Variants in PATL2 observed in about 807,000 individuals in gnomAD.
PATL2 encodes PAT1 homolog 2.
A neutral mutation model predicts 77.0 loss-of-function variants in PATL2; 73 were observed. That is an observed-to-expected ratio of 0.95 (90% CI 0.78 to 1.15). PATL2 has a LOEUF of 1.15. Among genes scored for constraint, PATL2 ranks in the 50% most tolerant of loss-of-function variants. The pLI, the probability that PATL2 is intolerant of heterozygous loss-of-function variation, is 0.00. For synonymous variants in PATL2, 265 were observed against 257.1 expected (o/e 1.03, Z -0.29); for missense variants, 618 against 655.4 (o/e 0.94, Z 0.62).
chr15:44,675,456 AC>A, intron 5 of PATL2, 29 bp downstream of exon 5: 1 of 1,542,918 alleles, frequency 6.5e-7, no homozygotes, highest in East Asian at 2.4e-5. Context: ...GTTCAGGACA[AC>A]CCTCTCCCAT....
chr15:44,666,285 A>G lies in PATL2; in HGVS notation c.1613+107T>C, dbSNP rs1016197721. The G allele has an allele frequency of 7.8e-6, 11 of 1,414,756 alleles. No homozygotes were observed. In the Admixed American group the frequency reaches 2.1e-4, roughly 27 times the overall value. 87.6% of individuals were successfully genotyped at this position (1,414,756 alleles called of 1,614,324 possible). ...TGTGTAGAACCACTTCTAAAAACAC[A>G]TGATCCTTCATGCTCATAATTTAGA... On this transcript the variant is annotated intron_variant, in intron 17 of 17. Transcript: ENST00000682850.
chr15:44,693,108 G>A (rs2086427763), intron 3 of PATL2, among the ~76,000 whole-genome samples: 1 of 152,184 alleles, frequency 6.6e-6, no homozygotes, highest in African/African-American at 2.4e-5. Flanking sequence ...CTTGGAAAAG[G>A]CAAATATTTA....
intron 3 of PATL2, among the ~76,000 whole-genome samples, chr15:44,693,082 C>G (rs1272637748): frequency 6.6e-6 from 1 of 152,172 alleles, no homozygotes; most frequent in African/African-American, 2.4e-5. Flanking sequence ...CCTAGTTAAC[C>G]AAGAGGTAAA....
chr15:44,674,081 T>A, intron 6 of PATL2, 69 bp downstream of exon 6: 1 of 1,417,718 alleles, frequency 7.1e-7, no homozygotes, highest in Non-Finnish European at 9.6e-7. Context: ...CAGACCAGGG[T>A]TGGGGGTAGA....
At chr15:44,684,033 A>G (rs1171603460) in intron 3 of PATL2, among the ~76,000 whole-genome samples, 2 of 151,986 alleles carry the variant, frequency 1.3e-5, no homozygotes, top group Non-Finnish European at 2.9e-5. Context: ...ACTAACAAAC[A>G]GAAAGGAATA....
At chr15:44,678,476 A>T (rs1381251840) in intron 3 of PATL2, among the ~76,000 whole-genome samples, 1 of 152,148 alleles carries the variant, frequency 6.6e-6, no homozygotes. Flanking sequence ...CTGAAGTCTC[A>T]TATGTCTACT....
At chr15:44,672,353 G>C (rs748497085) in intron 8 of PATL2, 35 bp downstream of exon 8, 11 of 1,544,870 alleles carry the variant, frequency 7.1e-6, no homozygotes, top group Non-Finnish European at 8.8e-6. Context: ...ATGCAAATGG[G>C]CTCCCCTCAA....
intron 3 of PATL2, among the ~76,000 whole-genome samples, chr15:44,706,358 G>A (rs987914728): frequency 6.6e-6 from 1 of 152,232 alleles, no homozygotes; most frequent in Non-Finnish European, 1.5e-5. Flanking sequence ...CACTGCAGCT[G>A]TATCTGCATT....
At chr15:44,675,415 A>C in intron 5 of PATL2, 71 bp downstream of exon 5, 1 of 1,441,622 alleles carries the variant, frequency 6.9e-7, no homozygotes, top group Non-Finnish European at 9.3e-7. Context: ...GAGAAGAGGA[A>C]TGTTTAGTGA....
intron 3 of PATL2, among the ~76,000 whole-genome samples, chr15:44,707,228 G>A (rs1188495552): frequency 6.6e-6 from 1 of 151,916 alleles, no homozygotes; most frequent in Non-Finnish European, 1.5e-5. Context: ...ACCTTAAGAG[G>A]CCACTTGGTA....
intron 3 of PATL2, among the ~76,000 whole-genome samples, chr15:44,709,488 C>T (rs2086806303): frequency 6.6e-6 from 1 of 151,622 alleles, no homozygotes; most frequent in South Asian, 2.1e-4. Flanking sequence ...TCGAGACCAG[C>T]CTGGGCAACA....
In PATL2 at chr15:44,676,478, C is replaced by T. The variant is rs1455010569; in HGVS notation, c.13G>A (p.Glu5Lys). 1.9e-6 allele frequency: 3 copies of T among 1,551,016 alleles called. No homozygotes were observed. The highest frequency in any genetic ancestry group is 4.9e-5 in the East Asian group (2 of 40,926). Reference sequence around the variant, plus strand: ...ATCACGGCCCACTTGTTGATACCTTCAAGGCAATTCATCTTGGCAGGCTGG... The same window carrying T: ...ATCACGGCCCACTTGTTGATACCTTTAAGGCAATTCATCTTGGCAGGCTGG... MNCL[E>K]GPGKTCGPLA... Residue 5 changes from glutamate (E) to lysine (K), a missense_variant, in exon 4 of 18, where the codon GAA becomes AAA. By Grantham distance (56) the Glu-to-Lys change is moderately conservative. Transcript: ENST00000682850.
intron 8 of PATL2, 27 bp from the exon 9 acceptor site, chr15:44,672,183 A>AAGTGGGTAAGTGGAG: frequency 6.4e-7 from 1 of 1,551,664 alleles, no homozygotes; most frequent in South Asian, 1.2e-5. Context: ...ACAACCCTTT[A>AAGTGGGTAAGTGGAG]GACTTACCCA....
At chr15:44,694,914 C>T (rs1156729541) in intron 3 of PATL2, among the ~76,000 whole-genome samples, 1 of 152,156 alleles carries the variant, frequency 6.6e-6, no homozygotes, top group African/African-American at 2.4e-5. Context: ...CTGTTACCCA[C>T]ACAACACCCC....
intron 4 of PATL2, 185 bp downstream of exon 4, chr15:44,676,290 G>A (rs2085950297): frequency 3.2e-6 from 2 of 620,140 alleles, no homozygotes; most frequent in South Asian, 1.9e-5. Context: ...AATTTTACTA[G>A]GTTGGTGAGA....
intron 3 of PATL2, among the ~76,000 whole-genome samples, chr15:44,684,252 G>T (rs188502438): frequency 6.6e-6 from 1 of 152,030 alleles, no homozygotes; most frequent in African/African-American, 2.4e-5. Flanking sequence ...TGAGTTTGAT[G>T]AATTGACAGA....
intron 9 of PATL2, among the ~76,000 whole-genome samples, chr15:44,671,296 C>A (rs1267444843): frequency 6.6e-6 from 1 of 152,104 alleles, no homozygotes; most frequent in African/African-American, 2.4e-5. Flanking sequence ...CAAGACCAGC[C>A]TATCCAACAT....
chr15:44,674,044 C>T, intron 6 of PATL2, 106 bp downstream of exon 6: 1 of 1,082,304 alleles, frequency 9.2e-7, no homozygotes, highest in Non-Finnish European at 1.3e-6. Flanking sequence ...CTCCCACACC[C>T]ATACCTCACT....
intron 3 of PATL2, among the ~76,000 whole-genome samples, chr15:44,679,583 G>A (rs2086087536): frequency 7.7e-6 from 1 of 130,550 alleles, no homozygotes; most frequent in Admixed American, 8.2e-5. Context: ...AGTAGAGATA[G>A]GCTTTTGCCA....
Sources: gnomAD v4.1 joint callset for allele counts (sites outside exome capture counted in the v4.1 genomes callset) on GRCh38, gnomAD v4.1.1 for gene constraint, MANE v1.5 for transcripts, NCBI Gene and HGNC (gene_info 2026-07-23, HGNC 2026-07-21) for gene names.